The following FHIT variants were observed in gnomAD, a reference collection of about 807,000 sequenced individuals.
The protein encoded by FHIT is fragile histidine triad diadenosine triphosphatase, also known as bis(5'-adenosyl)-triphosphatase.
Under a neutral mutation model 17.9 loss-of-function variants are expected in FHIT, and 19 were observed. The ratio of observed to expected loss-of-function variants is 1.06; its 90% CI spans 0.74 to 1.56. FHIT has a LOEUF of 1.56. FHIT is among the 40% of genes most tolerant of loss of function. The pLI is 0.00. For missense variants in FHIT, 248 were observed against 189.2 expected (o/e 1.31, Z -1.82); for synonymous variants, 81 against 69.7 (o/e 1.16, Z -0.81).
intron 5 of FHIT, among the ~76,000 whole-genome samples, chr3:60,509,261 C>T (rs190779802): frequency 5.3e-4 from 81 of 152,264 alleles, no homozygotes; most frequent in African/African-American, 1.6e-3. Context: ...CTGTCATTAC[C>T]GCAACCAGGA....
rs561440499 is a variant in FHIT, at chr3:61,105,571, TA to T, written c.-163-63473del. On this transcript the variant is annotated intron_variant, in intron 2 of 9. Transcript: ENST00000492590. Reference sequence around the variant, plus strand: ...CTTTTTTAAATTAAAATAATAATAATAAAAAAAAAGTGGTCTGCATATTTGG... The same window carrying T: ...CTTTTTTAAATTAAAATAATAATAATAAAAAAAAGTGGTCTGCATATTTGG... 2.6e-3 allele frequency among the ~76,000 whole-genome samples: 390 copies of T among 150,888 alleles called. 2 individuals carry two copies. The highest frequency in any genetic ancestry group is 0.014 in the Middle Eastern group (4 of 290).
intron 5 of FHIT, among the ~76,000 whole-genome samples, chr3:60,130,130 G>C (rs1162802718): frequency 6.6e-6 from 1 of 152,082 alleles, no homozygotes; most frequent in East Asian, 1.9e-4. Flanking sequence ...AAGTGAAAAG[G>C]AACCTTAGAG....
chr3:60,482,912 A>T (rs1025770706), intron 5 of FHIT, among the ~76,000 whole-genome samples: 1 of 151,942 alleles, frequency 6.6e-6, no homozygotes, highest in Non-Finnish European at 1.5e-5. Flanking sequence ...CTTGAAAAAA[A>T]TAAAAAATAG....
chr3:60,132,928 G>C (rs573763695), intron 5 of FHIT, among the ~76,000 whole-genome samples: 1 of 152,220 alleles, frequency 6.6e-6, no homozygotes, highest in African/African-American at 2.4e-5. Flanking sequence ...ATTCGCTTTT[G>C]AGTTAGATTA....
chr3:61,220,723 G>T (rs2039813855), intron 1 of FHIT, among the ~76,000 whole-genome samples: 1 of 152,100 alleles, frequency 6.6e-6, no homozygotes, highest in Non-Finnish European at 1.5e-5. Flanking sequence ...TTTAATAAAA[G>T]AATATTATAA....
intron 2 of FHIT, among the ~76,000 whole-genome samples, chr3:61,099,445 G>A (rs1453833834): frequency 1.3e-5 from 2 of 152,130 alleles, no homozygotes; most frequent in African/African-American, 4.8e-5. Context: ...ATGAGTTAGG[G>A]AGGAGTCCCT....
intron 8 of FHIT, among the ~76,000 whole-genome samples, chr3:59,831,925 G>T (rs1288984670): frequency 6.6e-6 from 1 of 152,160 alleles, no homozygotes. Flanking sequence ...GATGGTAAGT[G>T]TGTGTGTATT....
chr3:60,671,265 T>C (rs146656231), intron 4 of FHIT, among the ~76,000 whole-genome samples: 176 of 152,166 alleles, frequency 1.2e-3, no homozygotes, highest in Non-Finnish European at 1.7e-3. Flanking sequence ...GTCCAATATA[T>C]AAGATAGAAT....
At chr3:60,714,813 T>A (rs1171356033) in intron 4 of FHIT, among the ~76,000 whole-genome samples, 1 of 152,206 alleles carries the variant, frequency 6.6e-6, no homozygotes, top group Non-Finnish European at 1.5e-5. Flanking sequence ...GAACATTCCA[T>A]GCTCATGAGT....
At chr3:60,800,223 T>C (rs1478228844) in intron 4 of FHIT, among the ~76,000 whole-genome samples, 1 of 152,236 alleles carries the variant, frequency 6.6e-6, no homozygotes, top group African/African-American at 2.4e-5. Flanking sequence ...CACACTTCTC[T>C]CAACAAGTCT....
chr3:60,037,720 C>CT (rs34077326), intron 5 of FHIT, among the ~76,000 whole-genome samples: 89,400 of 146,012 alleles, frequency 0.61, 28,375 homozygotes, highest in Non-Finnish European at 0.73. Flanking sequence ...CTCAGAACTA[C>CT]TTTTTTTTTT....
intron 5 of FHIT, among the ~76,000 whole-genome samples, chr3:60,516,095 T>TC (rs1230311874): frequency 6.6e-6 from 1 of 152,178 alleles, no homozygotes; most frequent in Non-Finnish European, 1.5e-5. Context: ...AGAGGACCTA[T>TC]CCACAAACCT....
chr3:60,011,186 C>T lies in FHIT; in HGVS notation c.279+185G>A, dbSNP rs113371567. On this transcript the variant is annotated intron_variant, in intron 7 of 9. Transcript: ENST00000492590. ...TACTAAAAGTAAATGTCTTGTAAAC[C>T]AATGGGAAACATATTGTTTGGCAGA... Among the ~76,000 whole-genome samples, 187 of 152,218 alleles carry T rather than the reference C, an allele frequency of 1.2e-3. 2 individuals are homozygous for T. Among genetic ancestry groups the T allele is most frequent in the African/African-American group, 4.1e-3 (170 of 41,530 alleles).
At chr3:60,537,868 A>C (rs1254079738) in intron 4 of FHIT, among the ~76,000 whole-genome samples, 1 of 152,190 alleles carries the variant, frequency 6.6e-6, no homozygotes, top group African/African-American at 2.4e-5. Context: ...CTAATTCGGG[A>C]ACAGCCTAGT....
intron 5 of FHIT, among the ~76,000 whole-genome samples, chr3:60,514,259 G>T (rs185449575): frequency 6.6e-6 from 1 of 152,248 alleles, no homozygotes; most frequent in African/African-American, 2.4e-5. Context: ...GGATGGCAAG[G>T]CTAAAAGAGC....
chr3:59,939,578 A>G (rs537807410), intron 7 of FHIT, among the ~76,000 whole-genome samples: 6 of 152,342 alleles, frequency 3.9e-5, no homozygotes, highest in Admixed American at 1.3e-4. Context: ...CATTTGGTCA[A>G]GAAAGCCAAT....
chr3:60,277,771 G>T (rs1292130945), intron 5 of FHIT, among the ~76,000 whole-genome samples: 2 of 151,928 alleles, frequency 1.3e-5, no homozygotes, highest in Non-Finnish European at 2.9e-5. Flanking sequence ...TCTTTCTTTT[G>T]CCTATTAATC....
intron 4 of FHIT, among the ~76,000 whole-genome samples, chr3:60,537,831 C>T (rs547130317): frequency 5.3e-5 from 8 of 152,266 alleles, no homozygotes; most frequent in African/African-American, 1.9e-4. Context: ...CTAAGAAACA[C>T]CATCCCTAGA....
chr3:60,402,071 T>A (rs936885873), intron 5 of FHIT, among the ~76,000 whole-genome samples: 1 of 152,166 alleles, frequency 6.6e-6, no homozygotes, highest in Admixed American at 6.6e-5. Flanking sequence ...TAAGGGGCTA[T>A]TGTTTCCCCC....
Sources: gnomAD v4.1 joint callset for allele counts (sites outside exome capture counted in the v4.1 genomes callset) on GRCh38, gnomAD v4.1.1 for gene constraint, MANE v1.5 for transcripts, NCBI Gene and HGNC (gene_info 2026-07-23, HGNC 2026-07-21) for gene names.